The following MSRB1 variants were observed in gnomAD, a reference collection of about 807,000 sequenced individuals.
MSRB1 encodes the protein methionine-R-sulfoxide reductase B1.
A neutral mutation model predicts 15.2 loss-of-function variants in MSRB1; 13 were observed. That is an observed-to-expected ratio of 0.86 (90% confidence interval 0.56 to 1.36). MSRB1 has a LOEUF of 1.36. Among genes scored for constraint, MSRB1 ranks in the 40% most tolerant of loss-of-function variants. The pLI is 0.00. For missense variants in MSRB1, 174 were observed against 155.9 expected, an observed-to-expected ratio of 1.12 and a Z score of -0.62; for synonymous variants, 68 against 64.5, an observed-to-expected ratio of 1.05 and a Z score of -0.26.
intron 3 of MSRB1, 29 bp downstream of exon 3, chr16:1,940,749 C>T: frequency 6.3e-7 from 1 of 1,596,682 alleles, no homozygotes; most frequent in Non-Finnish European, 8.6e-7. Context: ...GCCAACAGGC[C>T]TGGCCCCAGC....
intron 2 of MSRB1, 165 bp from the exon 3 acceptor site, chr16:1,941,057 T>A (rs1306680335): frequency 2.2e-5 from 34 of 1,551,406 alleles, no homozygotes; most frequent in Non-Finnish European, 3.0e-5. Context: ...ACAGGAAACC[T>A]GTCCTGTTTC....
chr16:1,939,792 A>G (rs980130029), intron 3 of MSRB1, among the ~76,000 whole-genome samples: 1 of 151,906 alleles, frequency 6.6e-6, no homozygotes, highest in Non-Finnish European at 1.5e-5. Flanking sequence ...CGTCTCTACT[A>G]AAAAATCAAA....
intron 3 of MSRB1, among the ~76,000 whole-genome samples, 194 bp downstream of exon 3, chr16:1,940,584 C>T (rs1447083467): frequency 6.6e-6 from 1 of 152,372 alleles, no homozygotes; most frequent in African/African-American, 2.4e-5. Context: ...ATCAACCAAG[C>T]GAGGAAGCGG....
At position 1,940,896 on chromosome 16, in the gene MSRB1, G is replaced by T. The variant is rs376718791; in HGVS notation, c.205-4C>A. 6.2e-7 allele frequency: 1 copy of T among 1,614,136 alleles called. No individual in the cohort carries two copies. The highest frequency in any genetic ancestry group is 8.5e-7 in the Non-Finnish European group (1 of 1,180,036). On this transcript the variant is annotated splice_region_variant and splice_polypyrimidine_tract_variant and intron_variant, in intron 2 of 3. Coordinates refer to ENST00000361871, the MANE Select transcript of MSRB1 (RefSeq NM_016332.4). ...TGCCACACTTGCCACAGGACACCTG[G>T]AAAGATCACAAGGCAGCTGGGTGAG...
chr16:1,940,682 C>T (rs2083070791), intron 3 of MSRB1, 96 bp downstream of exon 3: 4 of 1,428,490 alleles, frequency 2.8e-6, no homozygotes, highest in East Asian at 2.4e-5. Flanking sequence ...TGGCCCCATA[C>T]CTTGTCATGG....
intron 3 of MSRB1, among the ~76,000 whole-genome samples, chr16:1,939,847 G>A (rs904218560): frequency 2.0e-5 from 3 of 151,604 alleles, no homozygotes; most frequent in Admixed American, 6.6e-5. Flanking sequence ...CCAGCTACTC[G>A]GGAGGCTGAG....
chr16:1,940,915 G>A (rs770613695), intron 2 of MSRB1, 23 bp from the exon 3 acceptor site: 21 of 1,613,836 alleles, frequency 1.3e-5, no homozygotes, highest in Non-Finnish European at 1.8e-5. Flanking sequence ...CAAGGCAGCT[G>A]GGTGAGCTTC....
chr16:1,941,594 G>A (rs1025504271), intron 1 of MSRB1, 189 bp from the exon 2 acceptor site: 6 of 707,840 alleles, frequency 8.5e-6, no homozygotes, highest in Admixed American at 5.9e-5. Flanking sequence ...CCAGAGACCA[G>A]GGGAGTCACC....
At position 1,938,991 on chromosome 16, in the gene MSRB1, G is replaced by T; in HGVS notation, c.*121C>A. On this transcript the variant is annotated 3_prime_UTR_variant, in exon 4 of 4. Coordinates refer to ENST00000361871, the MANE Select transcript of MSRB1 (RefSeq NM_016332.4). ...AGAGCCGGGGCCTTGGGAGTGTCCT[G>T]ATGTTTCAACCACTGCGCCCTGCCT... 2 of 1,293,300 alleles carry T rather than the reference G, an allele frequency of 1.5e-6. No individual in the cohort carries two copies. Among genetic ancestry groups the T allele is most frequent in the Non-Finnish European group, 2.2e-6 (2 of 909,844 alleles). The allele number at this position is 1,293,300 out of a possible 1,614,324, so 80.1% of individuals were successfully genotyped here. A position where few individuals can be genotyped will look rare whatever the true frequency, so the allele number is the denominator to read the frequency against.
At chr16:1,943,007 C>T (rs1258521749) in intron 1 of MSRB1, 95 bp downstream of exon 1, 1 of 1,506,462 alleles carries the variant, frequency 6.6e-7, no homozygotes, top group South Asian at 1.2e-5. Flanking sequence ...CCATTCCCGG[C>T]TTGGGAGAGA....
At chr16:1,939,781 C>G (rs571869393) in intron 3 of MSRB1, among the ~76,000 whole-genome samples, 1 of 152,086 alleles carries the variant, frequency 6.6e-6, no homozygotes, top group South Asian at 2.1e-4. Flanking sequence ...TGGTGAAACC[C>G]CGTCTCTACT....
intron 1 of MSRB1, chr16:1,941,662 T>C: frequency 1.8e-6 from 1 of 542,740 alleles, no homozygotes; most frequent in Non-Finnish European, 3.3e-6. Flanking sequence ...TATCCTAACA[T>C]TTCCATCTTT....
At chr16:1,942,949 C>G (rs1368154014) in intron 1 of MSRB1, among the ~76,000 whole-genome samples, 153 bp downstream of exon 1, 2 of 152,122 alleles carry the variant, frequency 1.3e-5, no homozygotes, top group African/African-American at 4.8e-5. Flanking sequence ...CACTCCTCCG[C>G]AGTCCTTTTG....
chr16:1,941,743 C>T (rs2083078887), intron 1 of MSRB1: 2 of 278,800 alleles, frequency 7.2e-6, no homozygotes, highest in Non-Finnish European at 1.4e-5. Context: ...AATGAGGACA[C>T]GGAGCTCCCC....
Position 1,938,854 on chromosome 16 carries a change from C to G in MSRB1, c.*258G>C. The G allele has an allele frequency of 1.8e-6, 1 of 571,390 alleles. No homozygotes were observed. Among genetic ancestry groups the G allele is most frequent in the South Asian group, 2.0e-5 (1 of 49,278 alleles). The allele number at this position is 571,390 out of a possible 1,614,324, so 35.4% of individuals were successfully genotyped here. On this transcript the variant is annotated 3_prime_UTR_variant, in exon 4 of 4. Coordinates refer to ENST00000361871, the MANE Select transcript of MSRB1 (RefSeq NM_016332.4). ...ACCTCCTGGAGGCACCTAGAGTGAG[C>G]AGGGGGCTAAGTCAGCCGACAGTGT...
Position 1,939,076 on chromosome 16 carries a change from T to C in MSRB1, c.*36A>G. 1 of 1,611,888 alleles carries C rather than the reference T, an allele frequency of 6.2e-7. No homozygotes were observed. The highest frequency in any genetic ancestry group is 8.5e-7 in the Non-Finnish European group (1 of 1,178,982). On this transcript the variant is annotated 3_prime_UTR_variant, in exon 4 of 4. Coordinates refer to ENST00000361871, the MANE Select transcript of MSRB1 (RefSeq NM_016332.4). Reference sequence around the variant, plus strand: ...TGGAATGGCCAACGTGTGGCCTCAGTGTGGTGGCCGTCTGGGGTGGGTGTG... The same window carrying C: ...TGGAATGGCCAACGTGTGGCCTCAGCGTGGTGGCCGTCTGGGGTGGGTGTG...
At chr16:1,941,799 A>C in intron 1 of MSRB1, 1 of 203,658 alleles carries the variant, frequency 4.9e-6, no homozygotes, top group South Asian at 7.3e-5. Flanking sequence ...AGGGGCCCTG[A>C]TGTGGCCCAA....
rs1597020920 is a variant in MSRB1 at position 1,939,568 on chromosome 16, C to G, written c.320-425G>C. On this transcript the variant is annotated intron_variant, in intron 3 of 3. Transcript: ENST00000361871. ...CCCCATTTCAGGCGAGGCAGTGGCT[C>G]AAGCCTGTAATCCCAGCACCTTGGG... Among the ~76,000 whole-genome samples the G allele has an allele frequency of 2.0e-5, 3 of 152,226 alleles. No homozygotes were observed. The South Asian group carries it at 6.2e-4, about 32-fold the overall frequency.
Position 1,938,486 on chromosome 16 carries a change from C to G in MSRB1, c.*626G>C, listed in dbSNP as rs1278520466. The stretch of plus-strand genomic sequence containing the variant: ...AGAAGTGAGGCAAGCTACTTCCGCA[C>G]AGATTGTGAAACAGGGTTTAGGTTT... On this transcript the variant is annotated 3_prime_UTR_variant, in exon 4 of 4. Coordinates refer to ENST00000361871, the MANE Select transcript of MSRB1 (RefSeq NM_016332.4). 1 of 156,350 alleles carries G rather than the reference C, an allele frequency of 6.4e-6. No individual in the cohort carries two copies. The highest frequency in any genetic ancestry group is 2.4e-5 in the African/African-American group (1 of 41,490). The allele number at this position is 156,350 out of a possible 1,614,324, so 9.7% of individuals were successfully genotyped here.
Sources: allele counts gnomAD v4.1 joint callset (sites outside exome capture counted in the v4.1 genomes callset), GRCh38; gene constraint gnomAD v4.1.1; transcripts MANE v1.5; gene names NCBI Gene and HGNC (gene_info 2026-07-23, HGNC 2026-07-21).